The following FLVCR2 variants were observed in gnomAD, a reference collection of about 807,000 sequenced individuals.
The protein encoded by FLVCR2 is choline/ethanolamine transporter FLVCR2.
FLVCR2 carries 38 observed loss-of-function variants against 48.9 expected under a neutral mutation model. The ratio of observed to expected loss-of-function variants is 0.78; its 90% CI spans 0.60 to 1.02. The LOEUF (loss-of-function observed/expected upper bound fraction) is 1.02. FLVCR2 is among the 50% of genes least tolerant of loss of function. FLVCR2 has a pLI of 0.00. For synonymous variants in FLVCR2, 255 were observed against 257.0 expected, an observed-to-expected ratio of 0.99 and a Z score of 0.07; for missense variants, 664 against 663.3, an observed-to-expected ratio of 1.00 and a Z score of -0.01.
intron 1 of FLVCR2, among the ~76,000 whole-genome samples, chr14:75,615,862 CA>C (rs10629811): frequency 1.8e-3 from 235 of 131,260 alleles, no homozygotes; most frequent in African/African-American, 5.1e-3. Flanking sequence ...ACTAAAAATA[CA>C]AAAAAAAAAA....
At chr14:75,589,206 A>G (rs772779294) in intron 1 of FLVCR2, among the ~76,000 whole-genome samples, 9 of 152,174 alleles carry the variant, frequency 5.9e-5, no homozygotes, top group Non-Finnish European at 8.8e-5. Context: ...ACAGAGAGAG[A>G]GACCCTGTTT....
chr14:75,623,617 G>C (rs1413888915), intron 2 of FLVCR2, among the ~76,000 whole-genome samples: 1 of 151,896 alleles, frequency 6.6e-6, no homozygotes, highest in East Asian at 1.9e-4. Flanking sequence ...GAAAGCTTTT[G>C]CTGCTTTTCC....
At chr14:75,603,384 G>A (rs572748608) in intron 1 of FLVCR2, among the ~76,000 whole-genome samples, 2 of 152,284 alleles carry the variant, frequency 1.3e-5, no homozygotes, top group South Asian at 2.1e-4. Context: ...TTAGAGAGAC[G>A]GCTGGACAGC....
intron 5 of FLVCR2, 81 bp from the exon 6 acceptor site, chr14:75,639,271 T>C (rs1890244691): frequency 1.1e-6 from 1 of 901,412 alleles, no homozygotes; most frequent in Non-Finnish European, 1.8e-6. Flanking sequence ...AGATACTTAA[T>C]AGATGCTTGT....
intron 1 of FLVCR2, among the ~76,000 whole-genome samples, chr14:75,610,102 C>T (rs566843276): frequency 3.3e-5 from 5 of 152,248 alleles, no homozygotes; most frequent in South Asian, 2.1e-4. Flanking sequence ...CTCAGCTGGC[C>T]GGGTGGTTTG....
In FLVCR2 at chr14:75,624,640, C is replaced by A. The variant is rs146480176; in HGVS notation, c.840C>A (p.Pro280=). 2.2e-4 allele frequency: 362 copies of A among 1,613,962 alleles called. 2 individuals are homozygous for A. Among genetic ancestry groups the A allele is most frequent in the Non-Finnish European group, 3.0e-4 (353 of 1,180,022 alleles). ...TCAAGGAGAAACCTAAATATCCCCC[C>A]AGCAGGGCCCAATCCCTGAGCTATG... ...IVFKEKPKYP[P]SRAQSLSYAL... is the part of the protein sequence containing the mutation. The change falls in exon 3 of 10, where the codon CCC becomes CCA. Residue 280 remains proline (P), a synonymous_variant. Transcript: ENST00000238667.
intron 1 of FLVCR2, among the ~76,000 whole-genome samples, chr14:75,584,961 G>A (rs10147307): frequency 1.3e-5 from 2 of 152,058 alleles, no homozygotes; most frequent in African/African-American, 2.4e-5. Context: ...TTGGGCAGGT[G>A]GGGGAGGGCT....
intron 1 of FLVCR2, chr14:75,605,358 G>C: frequency 9.5e-7 from 1 of 1,055,542 alleles, no homozygotes; most frequent in Middle Eastern, 2.8e-4. Flanking sequence ...TAACCCAGTG[G>C]AATATCTCCC....
At chr14:75,628,562 G>A (rs1391049316) in intron 3 of FLVCR2, among the ~76,000 whole-genome samples, 6 of 152,166 alleles carry the variant, frequency 3.9e-5, no homozygotes, top group African/African-American at 1.2e-4. Flanking sequence ...CATTTAAAGA[G>A]CATGTGGCTA....
chr14:75,596,761 A>G (rs1889030319), intron 1 of FLVCR2, among the ~76,000 whole-genome samples: 1 of 150,658 alleles, frequency 6.6e-6, no homozygotes, highest in Non-Finnish European at 1.5e-5. Context: ...TGTACTCATT[A>G]AGCAATAACT....
chr14:75,630,566 T>C (rs1005233742), intron 3 of FLVCR2, among the ~76,000 whole-genome samples: 1 of 152,128 alleles, frequency 6.6e-6, no homozygotes, highest in African/African-American at 2.4e-5. Flanking sequence ...TTGAATAAAA[T>C]TGTTATTGGC....
At chr14:75,620,936 G>A (rs541407953) in intron 1 of FLVCR2, among the ~76,000 whole-genome samples, 1 of 152,304 alleles carries the variant, frequency 6.6e-6, no homozygotes, top group African/African-American at 2.4e-5. Context: ...GAGACCTTAC[G>A]ACAAAGGAAT....
rs749569624 is a variant in FLVCR2 at position 75,579,045 on chromosome 14, C to T, written c.73C>T (p.Pro25Ser). ...PVPESALQAD[P>S]SVSVHPSVSV... ...GCCGGAGTCCGCACTCCAAGCGGAC[C>T]CCAGCGTCTCGGTCCATCCCAGCGT... is the stretch of plus-strand genomic sequence containing the variant. Residue 25 changes from proline to serine, a missense_variant, in exon 1 of 10, where the codon CCC becomes TCC. Transcript: ENST00000238667. 7.5e-6 allele frequency: 12 copies of T among 1,601,132 alleles called. 1 individual carries two copies. In the South Asian group the frequency reaches 1.3e-4, roughly 18 times the overall value.
chr14:75,589,755 G>A (rs1035928025), intron 1 of FLVCR2, among the ~76,000 whole-genome samples: 2 of 152,174 alleles, frequency 1.3e-5, no homozygotes, highest in African/African-American at 2.4e-5. Context: ...CATTATATGC[G>A]CCTGCAGATT....
chr14:75,635,888 T>C (rs548943359), intron 5 of FLVCR2, among the ~76,000 whole-genome samples: 22 of 151,868 alleles, frequency 1.4e-4, no homozygotes, highest in African/African-American at 4.8e-4. Context: ...TGCACATGGG[T>C]TAAAAAAAAA....
intron 9 of FLVCR2, among the ~76,000 whole-genome samples, chr14:75,645,784 G>C (rs1469612846): frequency 6.6e-6 from 1 of 152,020 alleles, no homozygotes; most frequent in Non-Finnish European, 1.5e-5. Context: ...TGGGCATGGT[G>C]GTGGGCACCT....
chr14:75,624,760 G>A lies in FLVCR2; in HGVS notation c.952+8G>A, dbSNP rs972781292. The stretch of plus-strand genomic sequence containing the variant: ...TGCTTGTCATCACCTATGGTAAGGT[G>A]TCAATGTGTCTAGGAATGCATTCGA... On this transcript the variant is annotated splice_region_variant and intron_variant, in intron 3 of 9. Coordinates refer to ENST00000238667, the MANE Select transcript of FLVCR2 (RefSeq NM_017791.3). 1 of 1,614,066 alleles carries A rather than the reference G, an allele frequency of 6.2e-7. No homozygotes were observed. Among genetic ancestry groups the A allele is most frequent in the Non-Finnish European group, 8.5e-7 (1 of 1,180,014 alleles).
intron 2 of FLVCR2, 54 bp from the exon 3 acceptor site, chr14:75,624,557 TC>T (rs1167734073): frequency 8.7e-6 from 14 of 1,610,394 alleles, no homozygotes; most frequent in African/African-American, 2.7e-5. Context: ...TGGAACCAGC[TC>T]TTCTGGGGTG....
chr14:75,624,777 T>C (rs747345934), intron 3 of FLVCR2, 25 bp downstream of exon 3: 10 of 1,613,646 alleles, frequency 6.2e-6, no homozygotes, highest in Non-Finnish European at 8.5e-6. Flanking sequence ...TGTCTAGGAA[T>C]GCATTCGAGC....
Sources: gnomAD v4.1 joint callset for allele counts (sites outside exome capture counted in the v4.1 genomes callset) on GRCh38, gnomAD v4.1.1 for gene constraint, MANE v1.5 for transcripts, NCBI Gene and HGNC (gene_info 2026-07-23, HGNC 2026-07-21) for gene names.